The following MAST4 variants were observed in gnomAD, a reference collection of about 807,000 sequenced individuals.
MAST4 encodes microtubule associated serine/threonine kinase family member 4.
A neutral mutation model predicts 162.7 loss-of-function variants in MAST4; 89 were observed. That is an observed-to-expected ratio of 0.55 (90% CI 0.46 to 0.65). MAST4 has a LOEUF of 0.65. Ranked by LOEUF, MAST4 falls within the 30% of genes least tolerant of loss-of-function variation. The pLI is 0.00. For synonymous variants in MAST4, 1,479 were observed against 1,361.1 expected, an observed-to-expected ratio of 1.09 and a Z score of -1.91; for missense variants, 3,153 against 3,374.0, an observed-to-expected ratio of 0.93 and a Z score of 1.62.
chr5:67,122,484 T>G (rs558233536), intron 14 of MAST4, among the ~76,000 whole-genome samples: 1 of 152,368 alleles, frequency 6.6e-6, no homozygotes, highest in South Asian at 2.1e-4. Flanking sequence ...AAGGACCTCA[T>G]TGAAACTTTT....
rs770880155 is a variant in MAST4 at position 67,166,951 on chromosome 5, C to T, written c.7772C>T (p.Thr2591Ile). The T allele has an allele frequency of 6.2e-6, 10 of 1,612,596 alleles. No individual in the cohort carries two copies. Among genetic ancestry groups the T allele is most frequent in the Non-Finnish European group, 7.6e-6 (9 of 1,179,710 alleles). Residue 2591 changes from threonine to isoleucine, a missense_variant, in exon 29 of 29, where the codon ACT (threonine) becomes ATT (isoleucine). By Grantham distance (89) the Thr-to-Ile change is moderately conservative. Coordinates refer to ENST00000403625, the MANE Select transcript of MAST4 (RefSeq NM_001164664.2). ...DVTKPSPAPNTDRPISLSNEK... is the reference protein window; with the variant it reads ...DVTKPSPAPNIDRPISLSNEK... ...ACCAAGCCATCCCCAGCCCCAAACA[C>T]TGACCGCCCCATCTCTCTTTCTAAT...
intron 7 of MAST4, among the ~76,000 whole-genome samples, chr5:67,097,898 C>T (rs1240533645): frequency 6.6e-6 from 1 of 152,066 alleles, no homozygotes; most frequent in Non-Finnish European, 1.5e-5. Flanking sequence ...AGGAAAGCTA[C>T]TTCTCTATTT....
At chr5:67,153,659 T>C (rs950281559) in intron 26 of MAST4, 79 bp downstream of exon 26, 3 of 1,338,578 alleles carry the variant, frequency 2.2e-6, no homozygotes, top group Non-Finnish European at 3.0e-6. Flanking sequence ...TTGATTTCCC[T>C]GTGTCACACC....
chr5:66,739,454 C>T (rs915078636), intron 1 of MAST4, among the ~76,000 whole-genome samples: 14 of 152,010 alleles, frequency 9.2e-5, no homozygotes, highest in African/African-American at 3.4e-4. Context: ...TGACTGGGGC[C>T]CTTCTTGACC....
chr5:66,604,544 C>T (rs942235796), intron 1 of MAST4, among the ~76,000 whole-genome samples: 7 of 152,104 alleles, frequency 4.6e-5, no homozygotes, highest in African/African-American at 1.7e-4. Flanking sequence ...TGTGCTTTTG[C>T]GGTGTTTTCA....
intron 3 of MAST4, among the ~76,000 whole-genome samples, chr5:66,796,045 T>C (rs1363792267): frequency 6.6e-6 from 1 of 152,156 alleles, no homozygotes; most frequent in African/African-American, 2.4e-5. Flanking sequence ...CCTGAGCAGA[T>C]TATTATAGGT....
At chr5:66,912,567 T>A (rs1763847177) in intron 4 of MAST4, among the ~76,000 whole-genome samples, 1 of 152,202 alleles carries the variant, frequency 6.6e-6, no homozygotes, top group African/African-American at 2.4e-5. Flanking sequence ...CTTAGAGGAA[T>A]AGTGGTGGCT....
intron 26 of MAST4, among the ~76,000 whole-genome samples, chr5:67,157,832 G>C (rs1772718169): frequency 6.6e-6 from 1 of 152,202 alleles, no homozygotes; most frequent in South Asian, 2.1e-4. Context: ...TAGGCCATGA[G>C]GGTGAAACAA....
intron 3 of MAST4, among the ~76,000 whole-genome samples, chr5:66,806,630 T>C (rs1165233804): frequency 6.6e-6 from 1 of 152,262 alleles, no homozygotes; most frequent in Non-Finnish European, 1.5e-5. Flanking sequence ...GCATTCTTTA[T>C]TGAATATTTT....
intron 1 of MAST4, among the ~76,000 whole-genome samples, chr5:66,656,628 T>A (rs1177261717): frequency 1.3e-5 from 2 of 152,164 alleles, no homozygotes; most frequent in East Asian, 3.8e-4. Context: ...CTCTCTTGAT[T>A]AGGTTCACTG....
At chr5:66,799,395 C>T (rs572679376) in intron 3 of MAST4, among the ~76,000 whole-genome samples, 1 of 152,298 alleles carries the variant, frequency 6.6e-6, no homozygotes, top group South Asian at 2.1e-4. Context: ...AGCATCTCTT[C>T]CTGCCTTCTC....
intron 1 of MAST4, among the ~76,000 whole-genome samples, chr5:66,626,039 G>T (rs1744403993): frequency 6.6e-6 from 1 of 152,070 alleles, no homozygotes; most frequent in Non-Finnish European, 1.5e-5. Flanking sequence ...AAGAAATATT[G>T]CATGATATAA....
At chr5:66,991,967 G>A (rs191756543) in intron 4 of MAST4, among the ~76,000 whole-genome samples, 1 of 152,274 alleles carries the variant, frequency 6.6e-6, no homozygotes, top group Admixed American at 6.5e-5. Context: ...TTGGCAGCAA[G>A]GCAGACAGAT....
chr5:66,945,176 A>T (rs574799878), intron 4 of MAST4, among the ~76,000 whole-genome samples: 217 of 152,288 alleles, frequency 1.4e-3, no homozygotes, highest in African/African-American at 4.9e-3. Flanking sequence ...CATTTTATAA[A>T]GGAGTAAAAC....
rs995791441 is a variant in MAST4 at position 66,808,624 on chromosome 5, C to T, written c.642+19830C>T. On this transcript the variant is annotated intron_variant, in intron 3 of 28. Coordinates refer to ENST00000403625, the MANE Select transcript of MAST4 (RefSeq NM_001164664.2). ...CAGTGTCGTGTCTCTGTGTCCTCTC[C>T]CATTGCCAGATCAGGGCCAGGGCAC... Among the ~76,000 whole-genome samples the T allele has an allele frequency of 2.6e-5, 4 of 152,280 alleles. No homozygotes were observed. The South Asian group carries it at 8.3e-4, about 32-fold the overall frequency.
At chr5:67,111,119 GT>G (rs1766183767) in intron 11 of MAST4, among the ~76,000 whole-genome samples, 2 of 151,970 alleles carry the variant, frequency 1.3e-5, no homozygotes, top group Non-Finnish European at 2.9e-5. Context: ...TTGATTTGAG[GT>G]TTCAGTTAAA....
intron 4 of MAST4, among the ~76,000 whole-genome samples, chr5:67,015,329 A>G (rs555676594): frequency 1.3e-5 from 2 of 152,122 alleles, no homozygotes; most frequent in South Asian, 2.1e-4. Flanking sequence ...CAAACCTTCC[A>G]TTCTTATAGG....
At chr5:66,807,295 G>C (rs1172781788) in intron 3 of MAST4, among the ~76,000 whole-genome samples, 1 of 152,092 alleles carries the variant, frequency 6.6e-6, no homozygotes, top group African/African-American at 2.4e-5. Context: ...AGGAGATCGA[G>C]ACCATCCTGG....
intron 21 of MAST4, among the ~76,000 whole-genome samples, chr5:67,143,288 AAAAGTCTTGTAACC>A (rs1398277086): frequency 6.6e-6 from 1 of 152,170 alleles, no homozygotes; most frequent in Admixed American, 6.5e-5. Flanking sequence ...AAAAAAAAAA[AAAAGTCTTGTAACC>A]AATAAACAGA....
Sources: allele counts gnomAD v4.1 joint callset (sites outside exome capture counted in the v4.1 genomes callset), GRCh38; gene constraint gnomAD v4.1.1; transcripts MANE v1.5; gene names NCBI Gene and HGNC (gene_info 2026-07-23, HGNC 2026-07-21).